AGTPBP1: variants seen among roughly 807,000 people sequenced by gnomAD.
The protein encoded by AGTPBP1 is cytosolic carboxypeptidase 1.
A neutral mutation model predicts 143.9 loss-of-function variants in AGTPBP1; 70 were observed. The observed-to-expected ratio is 0.49, with a 90% confidence interval of 0.40 to 0.59. The LOEUF (loss-of-function observed/expected upper bound fraction) is 0.59, where lower values mean the gene tolerates loss of function less well. Among genes scored for constraint, AGTPBP1 ranks in the 20% least tolerant of loss-of-function variants. AGTPBP1 has a pLI of 0.00. For missense variants in AGTPBP1, 1,229 were observed against 1,464.5 expected (o/e 0.84, Z 2.62); for synonymous variants, 463 against 500.2 (o/e 0.93, Z 0.99).
chr9:85,694,012 C>T (rs1836064094), intron 2 of AGTPBP1, among the ~76,000 whole-genome samples: 1 of 152,104 alleles, frequency 6.6e-6, no homozygotes, highest in Non-Finnish European at 1.5e-5. Context: ...GCCAGTGTGG[C>T]TGGAGGAGAC....
chr9:85,610,679 T>C (rs1489132945), intron 17 of AGTPBP1, among the ~76,000 whole-genome samples: 1 of 152,152 alleles, frequency 6.6e-6, no homozygotes, highest in Non-Finnish European at 1.5e-5. Context: ...GCTACTCTCC[T>C]AACTGATACT....
At chr9:85,625,746 G>A (rs1362662341) in intron 14 of AGTPBP1, among the ~76,000 whole-genome samples, 2 of 151,680 alleles carry the variant, frequency 1.3e-5, no homozygotes, top group Admixed American at 6.6e-5. Flanking sequence ...TTAGCCAGAA[G>A]TGGTGGCACG....
At chr9:85,678,029 C>A (rs1834943124) in intron 5 of AGTPBP1, among the ~76,000 whole-genome samples, 1 of 152,136 alleles carries the variant, frequency 6.6e-6, no homozygotes, top group Non-Finnish European at 1.5e-5. Context: ...TAATATCAAA[C>A]AAATACCATC....
chr9:85,628,988 T>C (rs1033072698), intron 14 of AGTPBP1, among the ~76,000 whole-genome samples: 3 of 152,194 alleles, frequency 2.0e-5, no homozygotes, highest in Non-Finnish European at 4.4e-5. Context: ...GTCCTGGGAT[T>C]ACAGGCATGA....
intron 2 of AGTPBP1, among the ~76,000 whole-genome samples, chr9:85,702,547 A>G (rs1317853361): frequency 6.6e-6 from 1 of 151,064 alleles, no homozygotes; most frequent in East Asian, 2.0e-4. Flanking sequence ...ATCTTCACAG[A>G]GGTAACTACA....
Position 85,692,749 on chromosome 9 carries a change from A to G in AGTPBP1, c.97T>C (p.Ser33Pro). The change falls in exon 3 of 26, where the codon TCA (serine) becomes CCA (proline). Residue 33 changes from serine to proline, a missense_variant. Ser to Pro is a moderately conservative substitution (Grantham distance 74, BLOSUM62 -1). Around this residue, in one of 2 missense-constraint regions of AGTPBP1, gnomAD observed 743 missense variants for 812.2 expected, o/e 0.91. Coordinates refer to ENST00000357081, the MANE Select transcript of AGTPBP1 (RefSeq NM_001330701.2). Reference protein sequence around the residue: ...AQLEKINAEPSESDTARYVTS... With the variant: ...AQLEKINAEPPESDTARYVTS... ...ACATATCGGGCAGTGTCTGATTCTGAAGGCTCAGCATTGATCTTCTCCAGT... is the reference window on the plus strand; with the variant it reads ...ACATATCGGGCAGTGTCTGATTCTGGAGGCTCAGCATTGATCTTCTCCAGT... 6.2e-7 allele frequency: 1 copy of G among 1,614,026 alleles called. No individual in the cohort carries two copies. Among genetic ancestry groups the G allele is most frequent in the Non-Finnish European group, 8.5e-7 (1 of 1,179,932 alleles).
intron 20 of AGTPBP1, among the ~76,000 whole-genome samples, chr9:85,588,776 G>A (rs1338027160): frequency 6.6e-6 from 1 of 151,944 alleles, no homozygotes; most frequent in Non-Finnish European, 1.5e-5. Flanking sequence ...TTAATATAAT[G>A]TTAATTTTAT....
chr9:85,688,309 G>C (rs2134226003), intron 3 of AGTPBP1, among the ~76,000 whole-genome samples: 1 of 152,050 alleles, frequency 6.6e-6, no homozygotes, highest in South Asian at 2.1e-4. Context: ...TTGACATTTT[G>C]GAACAGATAA....
chr9:85,736,578 A>G (rs1823792919), intron 1 of AGTPBP1, among the ~76,000 whole-genome samples: 1 of 152,198 alleles, frequency 6.6e-6, no homozygotes, highest in Admixed American at 6.5e-5. Context: ...AGCGTAAAAC[A>G]AAAGCAAACA....
intron 25 of AGTPBP1, among the ~76,000 whole-genome samples, chr9:85,572,774 T>C (rs547782288): frequency 1.3e-5 from 2 of 152,334 alleles, no homozygotes; most frequent in South Asian, 4.1e-4. Context: ...ACAATTTTTA[T>C]ATTCATTTCT....
chr9:85,621,787 G>A (rs560740642), intron 14 of AGTPBP1, among the ~76,000 whole-genome samples: 50 of 152,298 alleles, frequency 3.3e-4, no homozygotes, highest in Admixed American at 1.3e-3. Flanking sequence ...GAAAGGAAAG[G>A]TAGAGGGAAG....
rs1168701936 is a variant in AGTPBP1 at position 85,712,489 on chromosome 9, A to T, written c.32+13T>A. 3 of 1,441,780 alleles carry T rather than the reference A, an allele frequency of 2.1e-6. No individual in the cohort carries two copies. The African/African-American group carries it at 4.3e-5, about 20-fold the overall frequency. 89.3% of individuals were successfully genotyped at this position (1,441,780 alleles called of 1,614,324 possible). On this transcript the variant is annotated intron_variant, in intron 2 of 25. Coordinates refer to ENST00000357081, the MANE Select transcript of AGTPBP1 (RefSeq NM_001330701.2). The stretch of plus-strand genomic sequence containing the variant: ...CTGTAACTTATGCATACTGATATTC[A>T]GAATTACAGTACCTTTTTTCTGGTA...
At chr9:85,657,722 A>C in intron 9 of AGTPBP1, 79 bp from the exon 10 acceptor site, 1 of 977,954 alleles carries the variant, frequency 1.0e-6, no homozygotes, top group Middle Eastern at 2.2e-4. Flanking sequence ...TTAAAATATT[A>C]CCTCAATATT....
chr9:85,562,664 A>G (rs1826816909), intron 25 of AGTPBP1, among the ~76,000 whole-genome samples: 2 of 152,224 alleles, frequency 1.3e-5, no homozygotes, highest in Admixed American at 6.5e-5. Flanking sequence ...CTGGCAACTT[A>G]TTTTTCATAA....
At chr9:85,775,224 A>T in the AGTPBP1 span, among the ~76,000 whole-genome samples, 1 of 152,084 alleles carries the variant, frequency 6.6e-6, no homozygotes, top group Non-Finnish European at 1.5e-5. Context: ...GAATCACCTG[A>T]GTCCCAGAGG....
chr9:85,766,394 A>G, the AGTPBP1 span, among the ~76,000 whole-genome samples: 1 of 152,202 alleles, frequency 6.6e-6, no homozygotes, highest in Non-Finnish European at 1.5e-5. Context: ...GATACAAGAA[A>G]GAAGTCCGTT....
intron 2 of AGTPBP1, among the ~76,000 whole-genome samples, chr9:85,701,727 T>A (rs1487246137): frequency 1.3e-5 from 2 of 152,182 alleles, no homozygotes; most frequent in Admixed American, 1.3e-4. Context: ...CCATAACCAC[T>A]ATTCCACTCT....
At chr9:85,643,430 A>C (rs1320175050) in intron 12 of AGTPBP1, among the ~76,000 whole-genome samples, 4 of 152,204 alleles carry the variant, frequency 2.6e-5, no homozygotes, top group Non-Finnish European at 1.5e-5. Context: ...AAAATTACAC[A>C]TCTTGCAAAG....
chr9:85,754,069 C>T, the AGTPBP1 span, among the ~76,000 whole-genome samples: 2 of 151,962 alleles, frequency 1.3e-5, no homozygotes, highest in African/African-American at 2.4e-5. Context: ...TTTGTTTTTC[C>T]TTGCTCTCAG....
Sources: gnomAD v4.1 joint callset for allele counts (sites outside exome capture counted in the v4.1 genomes callset) on GRCh38, gnomAD v4.1.1 for gene constraint, gnomAD v4.1.1 regional missense constraint, MANE v1.5 for transcripts, NCBI Gene and HGNC (gene_info 2026-07-23, HGNC 2026-07-21) for gene names.